The following PARD3B variants were observed in gnomAD, a reference collection of about 807,000 sequenced individuals.
PARD3B encodes par-3 family cell polarity regulator beta.
Under a neutral mutation model 130.2 loss-of-function variants are expected in PARD3B, and 103 were observed. The ratio of observed to expected loss-of-function variants is 0.79; its 90% CI spans 0.67 to 0.93. The LOEUF is 0.93. Ranked by LOEUF, PARD3B falls within the 40% of genes least tolerant of loss-of-function variation. The pLI is 0.00. For synonymous variants in PARD3B, 583 were observed against 553.2 expected, an observed-to-expected ratio of 1.05 and a Z score of -0.76; for missense variants, 1,609 against 1,499.2, an observed-to-expected ratio of 1.07 and a Z score of -1.21.
intron 1 of PARD3B, among the ~76,000 whole-genome samples, chr2:204,586,365 A>G (rs556186914): frequency 1.3e-5 from 2 of 152,282 alleles, no homozygotes; most frequent in Non-Finnish European, 1.5e-5. Flanking sequence ...CTGAAGACCT[A>G]TGTCTATTTT....
chr2:205,180,560 G>A (rs1304879104), intron 13 of PARD3B, among the ~76,000 whole-genome samples: 1 of 151,694 alleles, frequency 6.6e-6, no homozygotes, highest in Non-Finnish European at 1.5e-5. Flanking sequence ...AGTGAGGAGA[G>A]GAGCTGTTAC....
At chr2:205,518,920 C>G (rs1338561173) in intron 21 of PARD3B, among the ~76,000 whole-genome samples, 2 of 152,174 alleles carry the variant, frequency 1.3e-5, no homozygotes, top group African/African-American at 4.8e-5. Context: ...CTGCCAAACT[C>G]TTCTGGCTTG....
At chr2:204,884,624 A>G (rs2046203676) in intron 2 of PARD3B, among the ~76,000 whole-genome samples, 1 of 152,122 alleles carries the variant, frequency 6.6e-6, no homozygotes, top group Admixed American at 6.5e-5. Context: ...GGCCCCAGCA[A>G]CAGGCCCCAG....
chr2:205,081,033 C>T (rs1209975845), intron 4 of PARD3B, among the ~76,000 whole-genome samples: 1 of 151,978 alleles, frequency 6.6e-6, no homozygotes, highest in Non-Finnish European at 1.5e-5. Flanking sequence ...TGTTACAACC[C>T]TTTTATCAAA....
chr2:204,898,417 G>A (rs2046724385), intron 2 of PARD3B, among the ~76,000 whole-genome samples: 1 of 150,426 alleles, frequency 6.6e-6, no homozygotes, highest in Admixed American at 6.7e-5. Context: ...TTATATTTTT[G>A]TACCTATTAA....
chr2:204,600,646 A>T (rs1446306236), intron 1 of PARD3B, among the ~76,000 whole-genome samples: 5 of 150,372 alleles, frequency 3.3e-5, no homozygotes, highest in Admixed American at 1.3e-4. Context: ...TAAATTTTTA[A>T]ATGAAGTTTG....
chr2:205,316,083 G>A (rs2042555125), intron 18 of PARD3B, among the ~76,000 whole-genome samples: 1 of 152,144 alleles, frequency 6.6e-6, no homozygotes, highest in South Asian at 2.1e-4. Context: ...TATATGGTGT[G>A]CTAATTGGAG....
chr2:205,070,490 T>C (rs893445850), intron 4 of PARD3B, among the ~76,000 whole-genome samples: 1 of 152,114 alleles, frequency 6.6e-6, no homozygotes, highest in African/African-American at 2.4e-5. Context: ...TGAATTTAAT[T>C]GCTTCCCTGT....
chr2:204,880,443 C>T (rs989991445), intron 2 of PARD3B, among the ~76,000 whole-genome samples: 25 of 151,878 alleles, frequency 1.6e-4, no homozygotes, highest in African/African-American at 5.6e-4. Flanking sequence ...GGGCGGATCA[C>T]GAGGTCAGGA....
chr2:205,322,356 A>C (rs2042780019), intron 18 of PARD3B, among the ~76,000 whole-genome samples: 1 of 152,180 alleles, frequency 6.6e-6, no homozygotes, highest in Non-Finnish European at 1.5e-5. Context: ...ACTCCAGGTC[A>C]AAGTCTTGTG....
At chr2:205,437,005 C>T (rs1214689961) in intron 19 of PARD3B, among the ~76,000 whole-genome samples, 2 of 151,990 alleles carry the variant, frequency 1.3e-5, no homozygotes, top group African/African-American at 2.4e-5. Flanking sequence ...AAAGAATTAC[C>T]GTACAATTCC....
intron 20 of PARD3B, among the ~76,000 whole-genome samples, chr2:205,468,136 C>A (rs2048696269): frequency 6.6e-6 from 1 of 152,182 alleles, no homozygotes; most frequent in Admixed American, 6.5e-5. Flanking sequence ...TACAAGGCTT[C>A]TTTTTCCTTT....
Position 205,471,422 on chromosome 2 carries a change from C to T in PARD3B, c.3045-28474C>T, listed in dbSNP as rs184987387. Among the ~76,000 whole-genome samples the T allele has an allele frequency of 3.7e-3, 509 of 139,348 alleles. 1 individual carries two copies. Among genetic ancestry groups the T allele is most frequent in the Non-Finnish European group, 5.7e-3 (381 of 66,626 alleles). 91.4% of individuals were successfully genotyped at this position (139,348 alleles called of 152,430 possible). On this transcript the variant is annotated intron_variant, in intron 20 of 22. Transcript: ENST00000406610. ...TGTTGCCCAGGCTATAGTGCAGTGG[C>T]GCAATCTCGGCTCACTGCAACCTCT... is the stretch of plus-strand genomic sequence containing the variant.
At chr2:205,533,896 C>A (rs940893188) in intron 21 of PARD3B, among the ~76,000 whole-genome samples, 2 of 151,970 alleles carry the variant, frequency 1.3e-5, no homozygotes, top group Admixed American at 1.3e-4. Context: ...TGGGGCTAAT[C>A]GTTCAGTGTT....
rs940079918 is a variant in PARD3B, at chr2:205,619,810, C to G, written c.*3997C>G. The stretch of plus-strand genomic sequence containing the variant: ...GACAAGCTTGGCTACAGGAAATGAA[C>G]CAACCCCAAAGACTCTTCTAACCTG... On this transcript the variant is annotated 3_prime_UTR_variant, in exon 23 of 23. Transcript: ENST00000406610. The G allele has an allele frequency of 6.6e-6, 1 of 152,156 alleles. No individual in the cohort carries two copies. Among genetic ancestry groups the G allele is most frequent in the Non-Finnish European group, 1.5e-5 (1 of 68,042 alleles). 9.4% of individuals were successfully genotyped at this position (152,156 alleles called of 1,614,324 possible).
rs1160767207 is a variant in PARD3B, at chr2:205,568,634, CTA to C, written c.3260+15234_3260+15235del. Among the ~76,000 whole-genome samples the C allele has an allele frequency of 3.3e-5, 5 of 152,118 alleles. No individual in the cohort carries two copies. Among genetic ancestry groups the C allele is most frequent in the African/African-American group, 1.2e-4 (5 of 41,410 alleles). On this transcript the variant is annotated intron_variant, in intron 22 of 22. Coordinates refer to ENST00000406610, the MANE Select transcript of PARD3B (RefSeq NM_001302769.2). This position sits in a 1 kb window ranked among gnomAD's most constrained non-coding sequence, Gnocchi z 5.3. Reference sequence around the variant, plus strand: ...GCTGTGGCTTTACCTAGGATCGTGGCTATACACACAGGCGAGGTAAAGTTCTA... The same window carrying C: ...GCTGTGGCTTTACCTAGGATCGTGGCTACACACAGGCGAGGTAAAGTTCTA...
At chr2:204,745,852 C>T (rs572831256) in intron 2 of PARD3B, among the ~76,000 whole-genome samples, 7 of 152,076 alleles carry the variant, frequency 4.6e-5, no homozygotes, top group East Asian at 1.9e-4. Flanking sequence ...TGCTGAATTC[C>T]GCCATGGACT....
In PARD3B at chr2:205,244,553, C is replaced by G. The variant is rs552512840; in HGVS notation, c.2141-1225C>G. Among the ~76,000 whole-genome samples, 6 of 152,250 alleles carry G rather than the reference C, an allele frequency of 3.9e-5. No individual in the cohort carries two copies. In the South Asian group the frequency reaches 1.0e-3, roughly 26 times the overall value. On this transcript the variant is annotated intron_variant, in intron 15 of 22. Transcript: ENST00000406610. The surrounding 1 kb of genome is among the most constrained non-coding windows in gnomAD (Gnocchi z 4.7). The stretch of plus-strand genomic sequence containing the variant: ...CATAGAGTGGCTTGGGAAATCCTCT[C>G]TCTTTCTAATACATTTTCTGTAGAA...
intron 2 of PARD3B, among the ~76,000 whole-genome samples, chr2:204,851,786 G>C (rs1187634212): frequency 6.6e-6 from 1 of 151,520 alleles, no homozygotes; most frequent in African/African-American, 2.4e-5. Context: ...TCTGCCTCCA[G>C]GCTTCAAGTG....
Sources: allele counts gnomAD v4.1 joint callset (sites outside exome capture counted in the v4.1 genomes callset), GRCh38; gene constraint gnomAD v4.1.1; non-coding constraint Gnocchi (gnomAD v3.1); transcripts MANE v1.5; gene names NCBI Gene and HGNC (gene_info 2026-07-23, HGNC 2026-07-21).